ING5: variants seen among roughly 807,000 people sequenced by gnomAD.
ING5 encodes the protein inhibitor of growth protein 5.
ING5 carries 17 observed loss-of-function variants against 37.4 expected under a neutral mutation model. The observed-to-expected ratio is 0.45, with a 90% confidence interval of 0.31 to 0.68. The LOEUF (loss-of-function observed/expected upper bound fraction) is 0.68, where lower values mean the gene tolerates loss of function less well. Among genes scored for constraint, ING5 ranks in the 30% least tolerant of loss-of-function variants. The pLI, the probability that ING5 is intolerant of heterozygous loss-of-function variation, is 0.05. For missense variants in ING5, 233 were observed against 311.9 expected, an observed-to-expected ratio of 0.75 and a Z score of 1.91; for synonymous variants, 123 against 116.6, an observed-to-expected ratio of 1.06 and a Z score of -0.36.
At chr2:241,708,614 C>T (rs1475762329) in intron 2 of ING5, among the ~76,000 whole-genome samples, 3 of 152,142 alleles carry the variant, frequency 2.0e-5, no homozygotes, top group African/African-American at 7.2e-5. Flanking sequence ...GCTCTTTTTG[C>T]TCCGTGTCAC....
At chr2:241,700,808 TAG>T (rs1343939319), upstream of ING5, among the ~76,000 whole-genome samples, 1 of 151,700 alleles carries the variant, frequency 6.6e-6, no homozygotes, top group Non-Finnish European at 1.5e-5. Flanking sequence ...GTATTTTTAG[TAG>T]AGACATGATT....
chr2:241,718,562 C>G (rs545287796), intron 5 of ING5, among the ~76,000 whole-genome samples: 2 of 151,636 alleles, frequency 1.3e-5, no homozygotes, highest in Non-Finnish European at 2.9e-5. Context: ...ATTACAGGCA[C>G]GTGCCACCAT....
chr2:241,717,696 CTTT>C (rs371435124), intron 5 of ING5, among the ~76,000 whole-genome samples: 4 of 134,528 alleles, frequency 3.0e-5, no homozygotes, highest in East Asian at 4.5e-4. Flanking sequence ...TTGGTGGTTT[CTTT>C]TTTTTTTTTT....
At chr2:241,722,199 C>G (rs1432286545) in intron 5 of ING5, 119 of 985,294 alleles carry the variant, frequency 1.2e-4, no homozygotes, top group Non-Finnish European at 1.3e-4. Flanking sequence ...TGACACCTGT[C>G]AGTCTGGAGT....
intron 1 of ING5, 61 bp downstream of exon 1, chr2:241,702,163 C>T: frequency 1.9e-6 from 2 of 1,072,966 alleles, no homozygotes; most frequent in Non-Finnish European, 2.3e-6. Flanking sequence ...TGCCGCAGCC[C>T]CCCGCGCGCC....
chr2:241,703,597 ATTTCT>A (rs907894714), intron 1 of ING5, among the ~76,000 whole-genome samples: 11 of 151,930 alleles, frequency 7.2e-5, no homozygotes, highest in African/African-American at 2.2e-4. Context: ...CAGAGAGAAC[ATTTCT>A]TTTCTTTTTC....
Position 241,729,097 on chromosome 2 carries a change from G to A in ING5, c.*4066G>A, listed in dbSNP as rs576226980. The A allele has an allele frequency of 2.1e-4, 32 of 152,506 alleles. No individual in the cohort carries two copies. The highest frequency in any genetic ancestry group is 7.2e-4 in the African/African-American group (30 of 41,564). The allele number at this position is 152,506 out of a possible 1,614,324, so 9.4% of individuals were successfully genotyped here. On this transcript the variant is annotated 3_prime_UTR_variant, in exon 8 of 8. Transcript: ENST00000313552. ...AAAACCGTGAGGGATGTTAATTATG[G>A]GCATTGAAGACTTAAGGTTTTCTTA...
At chr2:241,702,209 C>T in intron 1 of ING5, 107 bp downstream of exon 1, 1 of 435,524 alleles carries the variant, frequency 2.3e-6, no homozygotes, top group Non-Finnish European at 3.0e-6. Flanking sequence ...CTCGGGAGGG[C>T]GGCGGGCGCG....
intron 2 of ING5, among the ~76,000 whole-genome samples, chr2:241,706,646 A>G (rs1422809854): frequency 2.0e-5 from 3 of 151,674 alleles, no homozygotes; most frequent in East Asian, 3.9e-4. Context: ...AAAAAAAAGA[A>G]AAAAAGGAAG....
chr2:241,706,863 AT>A (rs560352712), intron 2 of ING5, among the ~76,000 whole-genome samples: 30 of 134,910 alleles, frequency 2.2e-4, no homozygotes, highest in Admixed American at 3.0e-4. Context: ...TGTGTGATCT[AT>A]TTTTTTTTTG....
chr2:241,693,373 G>A (rs1466336715), intron 2 of ING5, among the ~76,000 whole-genome samples: 2 of 151,750 alleles, frequency 1.3e-5, no homozygotes, highest in East Asian at 3.9e-4. Flanking sequence ...GTCCTCACCT[G>A]CTCCCAGGAG....
Position 241,709,284 on chromosome 2 carries a change from C to T in ING5, c.178C>T (p.Gln60Ter). The stretch of plus-strand genomic sequence containing the variant: ...CACGGTGAAGACGCTGTCTCCAGAC[C>T]AGCGCGTGGAGCGCCTGCAGAAGAT... ...ISTVKTLSPD[Q>*]RVERLQKIQN... The change falls in exon 3 of 8, where the codon CAG becomes TAG. Residue 60 changes from glutamine (Q) to a stop codon, truncating the protein, a stop_gained. Coordinates refer to ENST00000313552, the MANE Select transcript of ING5 (RefSeq NM_032329.6). LOFTEE classifies it high-confidence loss of function. 6.2e-7 allele frequency: 1 copy of T among 1,614,100 alleles called. No individual in the cohort carries two copies. Among genetic ancestry groups the T allele is most frequent in the Non-Finnish European group, 8.5e-7 (1 of 1,180,020 alleles).
chr2:241,688,089 C>A (rs902250740), intron 1 of ING5: 1 of 152,172 alleles, frequency 6.6e-6, no homozygotes, highest in African/African-American at 2.4e-5. Flanking sequence ...TTTTAGATAT[C>A]TAAAATACTA....
exon 1 of ING5, chr2:241,687,984 A>T (rs1479684374): frequency 1.3e-5 from 2 of 152,206 alleles, no homozygotes; most frequent in African/African-American, 4.8e-5. Context: ...AGTCCCGCGA[A>T]GTGTCCCCGG....
In ING5 at chr2:241,714,971, C is replaced by T. The variant is rs149635008; in HGVS notation, c.482+2900C>T. Reference sequence around the variant, plus strand: ...TTCTCTATTTTTTTGTTTGCTATTGCATTTGTTTCTACTCTCTATTTCCTG... The same window carrying T: ...TTCTCTATTTTTTTGTTTGCTATTGTATTTGTTTCTACTCTCTATTTCCTG... On this transcript the variant is annotated intron_variant, in intron 5 of 7. Coordinates refer to ENST00000313552, the MANE Select transcript of ING5 (RefSeq NM_032329.6). 6.2e-3 allele frequency among the ~76,000 whole-genome samples: 945 copies of T among 152,110 alleles called. 5 individuals are homozygous for T. Among genetic ancestry groups the T allele is most frequent in the African/African-American group, 0.022 (902 of 41,492 alleles).
At chr2:241,724,148 G>C in intron 7 of ING5, 4 of 979,816 alleles carry the variant, frequency 4.1e-6, no homozygotes, top group Non-Finnish European at 5.1e-6. Context: ...CAGCGTGTTT[G>C]AAACTCCGGC....
chr2:241,718,930 C>T (rs567706860), intron 5 of ING5, among the ~76,000 whole-genome samples: 1 of 151,928 alleles, frequency 6.6e-6, no homozygotes, highest in Non-Finnish European at 1.5e-5. Flanking sequence ...GTACATGTCT[C>T]ATGATTTATT....
Position 241,726,884 on chromosome 2 carries a change from T to C in ING5, c.*1853T>C, listed in dbSNP as rs2124962262. 2 of 152,114 alleles carry C rather than the reference T, an allele frequency of 1.3e-5. No individual in the cohort carries two copies. Among genetic ancestry groups the C allele is most frequent in the East Asian group, 3.9e-4 (2 of 5,174 alleles). 9.4% of individuals were successfully genotyped at this position (152,114 alleles called of 1,614,324 possible). A position where few individuals can be genotyped will look rare whatever the true frequency, so the allele number is the denominator to read the frequency against. ...ATCTCGGCTCACTGCAAGCTCCGCC[T>C]CCCGGGTTCACGCCATTCTCCTGCC... is the stretch of plus-strand genomic sequence containing the variant. On this transcript the variant is annotated 3_prime_UTR_variant, in exon 8 of 8. Coordinates refer to ENST00000313552, the MANE Select transcript of ING5 (RefSeq NM_032329.6).
chr2:241,691,146 T>TA (rs1247565461), intron 2 of ING5, among the ~76,000 whole-genome samples: 4 of 150,398 alleles, frequency 2.7e-5, no homozygotes, highest in South Asian at 2.1e-4. Context: ...ATTTTCCATT[T>TA]AAAAAAAAGG....
Sources: gnomAD v4.1 joint callset for allele counts (sites outside exome capture counted in the v4.1 genomes callset) on GRCh38, gnomAD v4.1.1 for gene constraint, MANE v1.5 for transcripts, NCBI Gene and HGNC (gene_info 2026-07-23, HGNC 2026-07-21) for gene names.